Variants in ATP13A2 observed in about 807,000 individuals in gnomAD.
The protein encoded by ATP13A2 is polyamine-transporting ATPase 13A2.
Under a neutral mutation model 138.3 loss-of-function variants are expected in ATP13A2, and 83 were observed. The ratio of observed to expected loss-of-function variants is 0.60; its 90% CI spans 0.50 to 0.72. ATP13A2 has a LOEUF of 0.72. ATP13A2 is among the 30% of genes least tolerant of loss of function. The pLI is 0.00. For missense variants in ATP13A2, 1,402 were observed against 1,606.4 expected, an observed-to-expected ratio of 0.87 and a Z score of 2.17; for synonymous variants, 663 against 699.0, an observed-to-expected ratio of 0.95 and a Z score of 0.81.
chr1:16,993,350 G>A (rs2077001439), intron 16 of ATP13A2, among the ~76,000 whole-genome samples: 1 of 152,216 alleles, frequency 6.6e-6, no homozygotes, highest in Non-Finnish European at 1.5e-5. Context: ...TGGGACTACA[G>A]GCATGCACCA....
chr1:17,009,718 G>T (rs1277074286), intron 1 of ATP13A2, among the ~76,000 whole-genome samples: 1 of 152,082 alleles, frequency 6.6e-6, no homozygotes, highest in African/African-American at 2.4e-5. Flanking sequence ...TGAAGAAAAG[G>T]TTCTTCAAAA....
Position 17,011,628 on chromosome 1 carries a change from G to A in ATP13A2, c.10+101C>T. 2 of 1,363,858 alleles carry A rather than the reference G, an allele frequency of 1.5e-6. No homozygotes were observed. The highest frequency in any genetic ancestry group is 1.9e-6 in the Non-Finnish European group (2 of 1,050,818). The allele number at this position is 1,363,858 out of a possible 1,614,324, so 84.5% of individuals were successfully genotyped here. A position where few individuals can be genotyped will look rare whatever the true frequency, so the allele number is the denominator to read the frequency against. On this transcript the variant is annotated intron_variant, in intron 1 of 28. Transcript: ENST00000326735. The surrounding 1 kb of genome is among the most constrained non-coding windows in gnomAD (Gnocchi z 7.3). ...TCCCGCTTCCTGGGCTCGCGACCCC[G>A]CGGTGGGGGGCGTCGCCTCCCCTCT...
intron 9 of ATP13A2, 27 bp from the exon 10 acceptor site, chr1:17,000,339 G>A: frequency 1.3e-6 from 2 of 1,585,038 alleles, no homozygotes; most frequent in Non-Finnish European, 1.7e-6. Flanking sequence ...AGAGGGCCGT[G>A]AGTGGGTGGG....
chr1:16,992,224 CAG>C lies in ATP13A2; in HGVS notation c.2005+17_2005+18del. On this transcript the variant is annotated intron_variant, in intron 18 of 28. Coordinates refer to ENST00000326735, the MANE Select transcript of ATP13A2 (RefSeq NM_022089.4). ...GTGCCAATGCCCAACCAGGGGGACT[CAG>C]GGGCTTCCCCCTGCACCTGTCTCGG... 4 of 1,612,258 alleles carry C rather than the reference CAG, an allele frequency of 2.5e-6. No individual in the cohort carries two copies. In the East Asian group the frequency reaches 8.9e-5, roughly 36 times the overall value.
chr1:16,995,962 A>G lies in ATP13A2; in HGVS notation c.1542+14T>C. ...TGTCCCGCTCCCCTGCACCAACCCC[A>G]CCTGCGGCCCCACCTTGTCGAAACA... On this transcript the variant is annotated intron_variant, in intron 15 of 28. Coordinates refer to ENST00000326735, the MANE Select transcript of ATP13A2 (RefSeq NM_022089.4). The surrounding 1 kb of genome is among the most constrained non-coding windows in gnomAD (Gnocchi z 4.1). 1.9e-6 allele frequency: 3 copies of G among 1,613,594 alleles called. No homozygotes were observed. Among genetic ancestry groups the G allele is most frequent in the Non-Finnish European group, 2.5e-6 (3 of 1,179,984 alleles).
intron 1 of ATP13A2, among the ~76,000 whole-genome samples, 167 bp from the exon 2 acceptor site, chr1:17,005,945 G>A (rs903545098): frequency 1.3e-5 from 2 of 152,156 alleles, no homozygotes; most frequent in Non-Finnish European, 2.9e-5. Context: ...GATCAACCTG[G>A]CTAACATGGT....
At chr1:16,997,823 A>G (rs1435879637) in intron 11 of ATP13A2, among the ~76,000 whole-genome samples, 2 of 135,662 alleles carry the variant, frequency 1.5e-5, no homozygotes, top group Non-Finnish European at 3.1e-5. Context: ...CCTGGACAAC[A>G]GAGTGAAACT....
At chr1:17,008,675 G>A (rs2077657693) in intron 1 of ATP13A2, among the ~76,000 whole-genome samples, 1 of 151,774 alleles carries the variant, frequency 6.6e-6, no homozygotes, top group Non-Finnish European at 1.5e-5. Context: ...GGCCGGCCGT[G>A]CGCAGTGGCT....
chr1:16,996,809 T>A, intron 12 of ATP13A2: 1 of 697,664 alleles, frequency 1.4e-6, no homozygotes, highest in Non-Finnish European at 2.4e-6. Context: ...CCTCCAGATC[T>A]TGCAATGCTT....
chr1:16,998,718 T>C (rs975787014), intron 11 of ATP13A2, among the ~76,000 whole-genome samples: 1 of 152,122 alleles, frequency 6.6e-6, no homozygotes, highest in African/African-American at 2.4e-5. Flanking sequence ...TAAATACTCA[T>C]GGCGAGCGGG....
At position 17,000,418 on chromosome 1, in the gene ATP13A2, C is replaced by T. The variant is rs138649639; in HGVS notation, c.822G>A (p.Ser274=). The T allele has an allele frequency of 1.6e-5, 26 of 1,613,536 alleles. 1 individual carries two copies. Among genetic ancestry groups the T allele is most frequent in the Middle Eastern group, 1.6e-4 (1 of 6,062 alleles). Residue 274 remains serine, a synonymous_variant, in exon 9 of 29, where the codon TCG becomes TCA. Transcript: ENST00000326735. ...FLISSISICL[S]LYKTRKQSQT... is the part of the protein sequence containing the mutation. ...CACTCACCTTTCTGGTCTTGTACAG[C>T]GACAGGCAGATGGAGATGGAGGAAA...
intron 10 of ATP13A2, 30 bp downstream of exon 10, chr1:17,000,216 G>GC: frequency 1.3e-6 from 1 of 793,874 alleles, no homozygotes; most frequent in Non-Finnish European, 1.5e-6. Flanking sequence ...TCCCACTCCT[G>GC]CCCCCGCCCC....
chr1:16,986,007 G>A lies in ATP13A2; in HGVS notation c.*214C>T. The A allele has an allele frequency of 6.9e-7, 1 of 1,456,210 alleles. No homozygotes were observed. The highest frequency in any genetic ancestry group is 9.1e-7 in the Non-Finnish European group (1 of 1,102,586). 90.2% of individuals were successfully genotyped at this position (1,456,210 alleles called of 1,614,324 possible). On this transcript the variant is annotated 3_prime_UTR_variant, in exon 29 of 29. Transcript: ENST00000326735. This position sits in a 1 kb window ranked among gnomAD's most constrained non-coding sequence, Gnocchi z 6.9. ...TTGCTACACTGACAGCAGCACTGAG[G>A]GGAGCTGGGGGCTGCCACCCCTACG...
Position 17,005,081 on chromosome 1 carries a change from C to T in ATP13A2, c.289-9G>A, listed in dbSNP as rs1300755999. 3 of 1,614,084 alleles carry T rather than the reference C, an allele frequency of 1.9e-6. No homozygotes were observed. The highest frequency in any genetic ancestry group is 1.1e-5 in the South Asian group (1 of 91,088). The stretch of plus-strand genomic sequence containing the variant: ...AGCTGCCAGGAACTATCCTGGAACA[C>T]AGAGGTATGGACTCAGTCTCAGAAG... On this transcript the variant is annotated splice_polypyrimidine_tract_variant and intron_variant, in intron 3 of 28. Coordinates refer to ENST00000326735, the MANE Select transcript of ATP13A2 (RefSeq NM_022089.4).
At chr1:16,994,908 C>T (rs564020231) in intron 15 of ATP13A2, among the ~76,000 whole-genome samples, 318 of 152,252 alleles carry the variant, frequency 2.1e-3, no homozygotes, top group African/African-American at 6.5e-3. Context: ...ATGATCCACC[C>T]GCCTCGGCCT....
chr1:16,994,530 GC>G (rs1183704517), intron 15 of ATP13A2, among the ~76,000 whole-genome samples: 4 of 152,104 alleles, frequency 2.6e-5, no homozygotes, highest in Non-Finnish European at 4.4e-5. Context: ...ACCACGCCCA[GC>G]CTCAATATAT....
intron 1 of ATP13A2, among the ~76,000 whole-genome samples, chr1:17,007,172 C>T (rs963957240): frequency 5.9e-5 from 9 of 152,212 alleles, no homozygotes; most frequent in African/African-American, 1.4e-4. Context: ...CCACTGCGCC[C>T]GGCCACAGAC....
Position 16,995,013 on chromosome 1 carries a change from C to A in ATP13A2, c.1542+963G>T, listed in dbSNP as rs947316986. On this transcript the variant is annotated intron_variant, in intron 15 of 28. Transcript: ENST00000326735. The surrounding 1 kb of genome is among the most constrained non-coding windows in gnomAD (Gnocchi z 4.1). ...GGCCCCCGACAGCCTCTGAATGTCA[C>A]CTAGCCTCTGTCAACCAGGCCACTG... Among the ~76,000 whole-genome samples, 1 of 152,198 alleles carries A rather than the reference C, an allele frequency of 6.6e-6. No homozygotes were observed. Among genetic ancestry groups the A allele is most frequent in the Non-Finnish European group, 1.5e-5 (1 of 68,028 alleles).
chr1:17,005,450 C>A lies in ATP13A2; in HGVS notation c.212G>T (p.Trp71Leu), dbSNP rs373607247. ...PLLLFRWKPL[W>L]GVRLRLRPCN... is the part of the protein sequence containing the mutation. ...GGGCCGGAGCCGCAGCCGCACCCCC[C>A]ACAGGGGCTTCCAACGGAAGAGCAG... Residue 71 changes from tryptophan to leucine, a missense_variant, in exon 3 of 29, where the codon TGG (tryptophan) becomes TTG (leucine). Physicochemically the swap from Trp to Leu is moderately conservative, Grantham distance 61 (BLOSUM62 -2). Transcript: ENST00000326735. The A allele has an allele frequency of 4.6e-5, 74 of 1,614,064 alleles. No individual in the cohort carries two copies. Among genetic ancestry groups the A allele is most frequent in the East Asian group, 2.9e-4 (13 of 44,898 alleles).
Sources: gnomAD v4.1 joint callset for allele counts (sites outside exome capture counted in the v4.1 genomes callset) on GRCh38, gnomAD v4.1.1 for gene constraint, Gnocchi (gnomAD v3.1) non-coding constraint, MANE v1.5 for transcripts, NCBI Gene and HGNC (gene_info 2026-07-23, HGNC 2026-07-21) for gene names.